The following SLC5A2 variants were observed in gnomAD, a reference collection of about 807,000 sequenced individuals.
SLC5A2 encodes solute carrier family 5 member 2, also known as sodium/glucose cotransporter 2.
Under a neutral mutation model 69.0 loss-of-function variants are expected in SLC5A2, and 67 were observed. That is an observed-to-expected ratio of 0.97 (90% CI 0.80 to 1.19). The LOEUF is 1.19. SLC5A2 is among the 50% of genes most tolerant of loss of function. The pLI, the probability that SLC5A2 is intolerant of heterozygous loss-of-function variation, is 0.00. For synonymous variants in SLC5A2, 455 were observed against 395.8 expected (o/e 1.15, Z -1.78); for missense variants, 1,001 against 921.5 (o/e 1.09, Z -1.12).
Position 31,484,682 on chromosome 16 carries a change from A to G in SLC5A2, c.136A>G (p.Arg46Gly), listed in dbSNP as rs2082481031. ...CGCCTCTGTCTCCCAGTCCATGTGC[A>G]GAACCAACAGAGGCACTGTGGGCGG... ...VIGVGLWSMC[R>G]TNRGTVGGYF... The change falls in exon 2 of 14, where the codon AGA becomes GGA. Residue 46 changes from arginine (R) to glycine (G), a missense_variant. Arg to Gly is a moderately radical substitution (Grantham distance 125). Coordinates refer to ENST00000330498, the MANE Select transcript of SLC5A2 (RefSeq NM_003041.4). 2 of 1,608,078 alleles carry G rather than the reference A, an allele frequency of 1.2e-6. No individual in the cohort carries two copies. The highest frequency in any genetic ancestry group is 1.7e-6 in the Non-Finnish European group (2 of 1,179,996).
rs770437777 is a variant in SLC5A2, at chr16:31,488,361, C to T, written c.1022-22C>T. The stretch of plus-strand genomic sequence containing the variant: ...CCCAGACCAGGCCCCGTCCTAACGG[C>T]GCGGTGGCCTCTCTCTGGCAGACGA... On this transcript the variant is annotated intron_variant, in intron 8 of 13. Coordinates refer to ENST00000330498, the MANE Select transcript of SLC5A2 (RefSeq NM_003041.4). The T allele has an allele frequency of 7.5e-6, 12 of 1,609,294 alleles. No individual in the cohort carries two copies. In the East Asian group the frequency reaches 2.7e-4, roughly 36 times the overall value.
chr16:31,490,230 G>T lies in SLC5A2; in HGVS notation c.1792G>T (p.Glu598Ter). The change falls in exon 13 of 14, where the codon GAG (glutamate) becomes TAG (stop). Residue 598 changes from glutamate to a stop codon, truncating the protein, a stop_gained and splice_region_variant. Transcript: ENST00000330498. LOFTEE classifies it high-confidence loss of function. ...CCCAGAGAGTGCCATGGAGATGAAT[G>T]GTAGGGCACCATGCTGGGAGGTGGG... ...GCPESAMEMN[E>*]PQAPAPSLFR... 6.2e-7 allele frequency: 1 copy of T among 1,614,130 alleles called. No individual in the cohort carries two copies. Among genetic ancestry groups the T allele is most frequent in the Non-Finnish European group, 8.5e-7 (1 of 1,180,012 alleles).
chr16:31,485,035 A>C (rs1013058532), intron 3 of SLC5A2, 112 bp downstream of exon 3: 2 of 985,866 alleles, frequency 2.0e-6, no homozygotes, highest in African/African-American at 1.6e-5. Flanking sequence ...GGACTTCCCA[A>C]CTGCGGGGTG....
chr16:31,484,848 C>T lies in SLC5A2; in HGVS notation c.228C>T (p.Ile76=), dbSNP rs766535454. 14 of 1,613,840 alleles carry T rather than the reference C, an allele frequency of 8.7e-6. No individual in the cohort carries two copies. Among genetic ancestry groups the T allele is most frequent in the African/African-American group, 2.7e-5 (2 of 74,956 alleles). The change falls in exon 3 of 14, where the codon ATC becomes ATT. Residue 76 remains isoleucine (I), a synonymous_variant. Transcript: ENST00000330498. Reference sequence around the variant, plus strand: ...GGGCCTCTCTCTTCGCCAGCAACATCGGCAGTGGCCACTTTGTGGGCCTGG... The same window carrying T: ...GGGCCTCTCTCTTCGCCAGCAACATTGGCAGTGGCCACTTTGTGGGCCTGG... ...PVGASLFASN[I]GSGHFVGLAG... is the part of the protein sequence containing the mutation.
intron 5 of SLC5A2, among the ~76,000 whole-genome samples, chr16:31,486,589 G>A (rs922968087): frequency 1.3e-5 from 2 of 152,184 alleles, no homozygotes; most frequent in Non-Finnish European, 2.9e-5. Context: ...AAGATCTCTG[G>A]CAAAACCCAG....
intron 1 of SLC5A2, 56 bp from the exon 2 acceptor site, chr16:31,484,617 T>C: frequency 3.2e-6 from 5 of 1,547,400 alleles, no homozygotes; most frequent in Non-Finnish European, 4.4e-6. Context: ...TTGAGGTGGC[T>C]GATGAGGTCC....
In SLC5A2 at chr16:31,490,476, A is replaced by T. The variant is rs778096784; in HGVS notation, c.1960A>T (p.Asn654Tyr). The T allele has an allele frequency of 1.2e-6, 2 of 1,614,032 alleles. No homozygotes were observed. Among genetic ancestry groups the T allele is most frequent in the Non-Finnish European group, 1.7e-6 (2 of 1,180,012 alleles). The change falls in exon 14 of 14, where the codon AAC becomes TAC. Residue 654 changes from asparagine to tyrosine, a missense_variant. Coordinates refer to ENST00000330498, the MANE Select transcript of SLC5A2 (RefSeq NM_003041.4). ...SEDPSWARVVNLNALLMMAVA... is the reference protein window; with the variant it reads ...SEDPSWARVVYLNALLMMAVA... ...GGACCCGAGCTGGGCCCGTGTGGTC[A>T]ACCTCAATGCCCTGCTCATGATGGC...
chr16:31,487,795 G>T, intron 7 of SLC5A2, 36 bp downstream of exon 7: 1 of 1,570,526 alleles, frequency 6.4e-7, no homozygotes. Context: ...GTGAGGCCGG[G>T]GCGGAGCCGA....
At position 31,490,619 on chromosome 16, in the gene SLC5A2, G is replaced by A. The variant is rs1372044180; in HGVS notation, c.*84G>A. 5 of 1,242,302 alleles carry A rather than the reference G, an allele frequency of 4.0e-6. No homozygotes were observed. The Admixed American group carries it at 5.9e-5, about 15-fold the overall frequency. 77.0% of individuals were successfully genotyped at this position (1,242,302 alleles called of 1,614,324 possible). A position where few individuals can be genotyped will look rare whatever the true frequency, so the allele number is the denominator to read the frequency against. ...TGCGGTGCTCCCCAGAAAAGGGGAA[G>A]GGGCAGTGGGGTGAGAAGGTCCTGG... On this transcript the variant is annotated 3_prime_UTR_variant, in exon 14 of 14. Transcript: ENST00000330498.
chr16:31,483,991 A>C (rs1014843874), intron 1 of SLC5A2, among the ~76,000 whole-genome samples: 4 of 152,148 alleles, frequency 2.6e-5, no homozygotes, highest in Non-Finnish European at 5.9e-5. Flanking sequence ...TCGGAGGCCA[A>C]GGTGGGAAGA....
intron 12 of SLC5A2, chr16:31,489,750 G>A (rs555490769): frequency 4.1e-5 from 18 of 443,624 alleles, no homozygotes; most frequent in East Asian, 2.9e-4. Flanking sequence ...AAGGATGGCC[G>A]GGTTTCTGCA....
rs2082530822 is a variant in SLC5A2, at chr16:31,489,031, C to CCGG, written c.1434_1435insGCG (p.Pro478_Arg479insAla). The CCGG allele has an allele frequency of 6.2e-7, 1 of 1,600,708 alleles. No individual in the cohort carries two copies. The highest frequency in any genetic ancestry group is 1.3e-5 in the African/African-American group (1 of 74,938). On this transcript the variant is annotated inframe_insertion, in exon 11 of 14. Transcript: ENST00000330498. ...CGTCTTCGTGCTGGCGCTCTTCGTG[C>CCGG]CGCGCGTTAATGAGCAGGTGAGCGG...
Position 31,488,731 on chromosome 16 carries a change from G to A in SLC5A2, c.1239G>A (p.Leu413=). The A allele has an allele frequency of 6.2e-7, 1 of 1,610,202 alleles. No individual in the cohort carries two copies. The highest frequency in any genetic ancestry group is 8.5e-7 in the Non-Finnish European group (1 of 1,178,668). Residue 413 remains leucine (L), a synonymous_variant, in exon 10 of 14, where the codon CTG becomes CTA. Transcript: ENST00000330498. ...TLFTMDIYTR[L]RPRAGDRELL... ...TCACCATGGACATCTACACGCGCCTGCGGCCACGCGCCGGCGACCGCGAGC... is the reference window on the plus strand; with the variant it reads ...TCACCATGGACATCTACACGCGCCTACGGCCACGCGCCGGCGACCGCGAGC...
rs1567391522 is a variant in SLC5A2, at chr16:31,489,225, C to CCAGCTTTCCTCTGCGGCGTGCA, written c.1554_1575dup (p.Tyr526SerfsTer48). On this transcript the variant is annotated frameshift_variant, in exon 12 of 14. Coordinates refer to ENST00000330498, the MANE Select transcript of SLC5A2 (RefSeq NM_003041.4). LOFTEE classifies it high-confidence loss of function. The stretch of plus-strand genomic sequence containing the variant: ...CAGCTGTGTGCAGCCCTCGGCGTGC[C>CCAGCTTTCCTCTGCGGCGTGCA]CAGCTTTCCTCTGCGGCGTGCACTA... The CCAGCTTTCCTCTGCGGCGTGCA allele has an allele frequency of 3.1e-6, 5 of 1,610,492 alleles. No homozygotes were observed. The highest frequency in any genetic ancestry group is 2.5e-6 in the Non-Finnish European group (3 of 1,180,012).
At chr16:31,489,985 G>A in intron 12 of SLC5A2, 119 bp from the exon 13 acceptor site, 5 of 1,349,616 alleles carry the variant, frequency 3.7e-6, no homozygotes, top group Non-Finnish European at 5.2e-6. Flanking sequence ...CCTGGGCTGG[G>A]TGTGTAGACT....
intron 1 of SLC5A2, 124 bp downstream of exon 1, chr16:31,483,386 G>T: frequency 7.8e-7 from 1 of 1,286,350 alleles, no homozygotes; most frequent in Admixed American, 1.8e-5. Flanking sequence ...TAGGCCTGGG[G>T]GCAAGCAGGT....
Position 31,486,182 on chromosome 16 carries a change from T to C in SLC5A2, c.481T>C (p.Ser161Pro). The C allele has an allele frequency of 3.7e-6, 6 of 1,613,586 alleles. No homozygotes were observed. Among genetic ancestry groups the C allele is most frequent in the Non-Finnish European group, 5.1e-6 (6 of 1,179,560 alleles). ...IFTKISVDMF[S>P]GAVFIQQALG... The stretch of plus-strand genomic sequence containing the variant: ...CTTCTCCCCCAAGGTGGACATGTTC[T>C]CCGGAGCTGTATTCATCCAGCAGGC... Residue 161 changes from serine (S) to proline (P), a missense_variant, in exon 5 of 14, where the codon TCC becomes CCC. By Grantham distance (74) the Ser-to-Pro change is moderately conservative (BLOSUM62 -1). Coordinates refer to ENST00000330498, the MANE Select transcript of SLC5A2 (RefSeq NM_003041.4).
At chr16:31,488,596 G>A in intron 9 of SLC5A2, 26 bp from the exon 10 acceptor site, 2 of 1,610,146 alleles carry the variant, frequency 1.2e-6, no homozygotes, top group African/African-American at 1.3e-5. Flanking sequence ...AGTGGCCCCA[G>A]CCTCACGGCT....
At position 31,483,267 on chromosome 16, in the gene SLC5A2, G is replaced by T; in HGVS notation, c.126+5G>T. The T allele has an allele frequency of 2.5e-6, 4 of 1,613,952 alleles. No individual in the cohort carries two copies. Among genetic ancestry groups the T allele is most frequent in the Non-Finnish European group, 3.4e-6 (4 of 1,179,990 alleles). On this transcript the variant is annotated splice_donor_5th_base_variant and intron_variant, in intron 1 of 13. Coordinates refer to ENST00000330498, the MANE Select transcript of SLC5A2 (RefSeq NM_003041.4). ...GTCATTGGCGTTGGCTTGTGGGTGA[G>T]AAGTTGGGGGGTGTGCTGCTGGTGG...
Sources: gnomAD v4.1 joint callset for allele counts (sites outside exome capture counted in the v4.1 genomes callset) on GRCh38, gnomAD v4.1.1 for gene constraint, MANE v1.5 for transcripts, NCBI Gene and HGNC (gene_info 2026-07-23, HGNC 2026-07-21) for gene names.